Variants in JADE3 observed in about 807,000 individuals in gnomAD.
JADE3 encodes the protein protein Jade-3.
A neutral mutation model predicts 50.1 loss-of-function variants in JADE3; 2 were observed. The observed-to-expected ratio is 0.04, with a 90% confidence interval of 0.02 to 0.13. JADE3 has a LOEUF of 0.13. Ranked by LOEUF, JADE3 falls within the 10% of genes least tolerant of loss-of-function variation. The pLI, the probability that JADE3 is intolerant of heterozygous loss-of-function variation, is 1.00. For missense variants in JADE3, 475 were observed against 634.4 expected (o/e 0.75, Z 2.70); for synonymous variants, 218 against 232.9 (o/e 0.94, Z 0.58).
intron 6 of JADE3, among the ~76,000 whole-genome samples, chrX:47,030,606 T>C (rs187155302): frequency 1.8e-5 from 2 of 112,513 alleles, no homozygotes; most frequent in Admixed American, 1.9e-4. Context: ...CTGAATTTAT[T>C]AAACATGATT....
intron 1 of JADE3, among the ~76,000 whole-genome samples, chrX:46,926,126 C>T (rs887033081): frequency 5.5e-5 from 6 of 109,061 alleles, no homozygotes; most frequent in Non-Finnish European, 1.1e-4. Context: ...AACTCCTGGG[C>T]TCAAGCAATC....
chrX:46,928,401 A>G (rs1430482023), intron 1 of JADE3, among the ~76,000 whole-genome samples: 1 of 111,801 alleles, frequency 8.9e-6, no homozygotes, highest in African/African-American at 3.3e-5. Context: ...TCTGTGACCT[A>G]TTTGTGTACA....
At chrX:47,003,658 T>G (rs1928339887) in intron 4 of JADE3, among the ~76,000 whole-genome samples, 1 of 100,474 alleles carries the variant, frequency 1.0e-5, no homozygotes, top group African/African-American at 3.6e-5. Context: ...TATATATATA[T>G]TAATTATATA....
At chrX:47,010,395 A>G (rs1928530979) in intron 4 of JADE3, among the ~76,000 whole-genome samples, 1 of 110,344 alleles carries the variant, frequency 9.1e-6, no homozygotes, top group Non-Finnish European at 1.9e-5. Flanking sequence ...CAACTGGCTA[A>G]TTTTGTAGTT....
chrX:47,033,256 A>T (rs1556367138), intron 6 of JADE3, among the ~76,000 whole-genome samples: 1 of 111,919 alleles, frequency 8.9e-6, no homozygotes, highest in Non-Finnish European at 1.9e-5. Flanking sequence ...ACTTTTAGGA[A>T]ATGTTCAATA....
chrX:46,948,490 TA>T (rs1165899990), intron 1 of JADE3, among the ~76,000 whole-genome samples: 11 of 111,950 alleles, frequency 9.8e-5, no homozygotes, highest in Non-Finnish European at 1.9e-4. Flanking sequence ...AGTTTTGACT[TA>T]AGTGTTCCTA....
At chrX:46,917,818 T>TCTCTCA (rs1299806082) in intron 1 of JADE3, among the ~76,000 whole-genome samples, 2 of 85,739 alleles carry the variant, frequency 2.3e-5, no homozygotes, top group Non-Finnish European at 4.5e-5. Context: ...TCTCTCTCTC[T>TCTCTCA]CTCACTCTCT....
At chrX:46,931,693 C>T (rs1926498727) in intron 1 of JADE3, among the ~76,000 whole-genome samples, 1 of 111,028 alleles carries the variant, frequency 9.0e-6, no homozygotes, top group Admixed American at 9.6e-5. Flanking sequence ...CAAAGTGCTG[C>T]GATTACAGGC....
chrX:46,990,637 T>C (rs1426052021), intron 3 of JADE3, among the ~76,000 whole-genome samples: 1 of 111,556 alleles, frequency 9.0e-6, no homozygotes, highest in Non-Finnish European at 1.9e-5. Context: ...TCTCATGTGG[T>C]GTACATTGAC....
intron 1 of JADE3, among the ~76,000 whole-genome samples, chrX:46,938,025 C>T (rs1317941980): frequency 9.0e-6 from 1 of 111,488 alleles, no homozygotes; most frequent in African/African-American, 3.3e-5. Flanking sequence ...TCAGTGTTTG[C>T]ATCACATATC....
At chrX:47,003,438 A>C (rs1387523452) in intron 4 of JADE3, among the ~76,000 whole-genome samples, 1 of 109,223 alleles carries the variant, frequency 9.2e-6, no homozygotes, top group Non-Finnish European at 1.9e-5. Context: ...AATTCAGTCC[A>C]TAACACCAAG....
intron 4 of JADE3, among the ~76,000 whole-genome samples, chrX:46,999,569 CAT>C (rs1225571981): frequency 5.6e-5 from 6 of 106,474 alleles, no homozygotes; most frequent in Non-Finnish European, 9.6e-5. Context: ...GGGCCAAAAA[CAT>C]AGAGTTTGTA....
intron 1 of JADE3, among the ~76,000 whole-genome samples, chrX:46,930,016 A>G (rs1427206616): frequency 8.9e-6 from 1 of 112,161 alleles, no homozygotes; most frequent in Non-Finnish European, 1.9e-5. Flanking sequence ...TCATCTCTGT[A>G]TGTACACTTA....
intron 1 of JADE3, among the ~76,000 whole-genome samples, chrX:46,936,131 G>T (rs1426704877): frequency 9.3e-6 from 1 of 107,611 alleles, no homozygotes; most frequent in Non-Finnish European, 1.9e-5. Flanking sequence ...CAATTCTCCT[G>T]CCTCAGCCTC....
At chrX:46,980,157 G>C (rs1388757050) in intron 1 of JADE3, among the ~76,000 whole-genome samples, 3 of 110,548 alleles carry the variant, frequency 2.7e-5, no homozygotes, top group African/African-American at 9.9e-5. Context: ...TGGGATTACA[G>C]GTGCGAGCCA....
intron 1 of JADE3, among the ~76,000 whole-genome samples, chrX:46,953,090 G>A (rs181416432): frequency 9.0e-5 from 10 of 111,046 alleles, no homozygotes; most frequent in African/African-American, 1.6e-4. Context: ...GTTTTAGCTC[G>A]TACAGTCTCC....
intron 1 of JADE3, among the ~76,000 whole-genome samples, chrX:46,937,300 A>T (rs782591683): frequency 5.4e-5 from 6 of 111,117 alleles, no homozygotes; most frequent in Non-Finnish European, 7.5e-5. Flanking sequence ...GCTCTTTATG[A>T]TTTCCATATT....
In JADE3 at chrX:47,058,694, C is replaced by A. The variant is rs781893262; in HGVS notation, c.2089C>A (p.His697Asn). 9.1e-6 allele frequency: 11 copies of A among 1,211,443 alleles called. No individual in the cohort carries two copies. Among genetic ancestry groups the A allele is most frequent in the Non-Finnish European group, 1.1e-5 (10 of 895,380 alleles). The change falls in exon 11 of 11, where the codon CAC becomes AAC. Residue 697 changes from histidine to asparagine, a missense_variant. Around this residue, in one of 6 missense-constraint regions of JADE3, gnomAD observed 243 missense variants for 238.2 expected, o/e 1.02. Coordinates refer to ENST00000614628, the MANE Select transcript of JADE3 (RefSeq NM_014735.5). ...TGACCAGGAGCCTGTGTTCAGCCCC[C>A]ACTTGGTCAGTCAGGGCAGCTTTAG... ...FCDQEPVFSP[H>N]LVSQGSFRKS...
intron 1 of JADE3, among the ~76,000 whole-genome samples, chrX:46,951,384 C>T (rs1556344990): frequency 9.3e-4 from 91 of 98,245 alleles, no homozygotes; most frequent in African/African-American, 3.2e-3. Flanking sequence ...GTCAGGAGTT[C>T]GAGACCAGCC....
Sources: allele counts gnomAD v4.1 joint callset (sites outside exome capture counted in the v4.1 genomes callset), GRCh38; gene constraint gnomAD v4.1.1; regional missense constraint gnomAD v4.1.1; transcripts MANE v1.5; gene names NCBI Gene and HGNC (gene_info 2026-07-23, HGNC 2026-07-21).